Variants in SLC10A7 observed in about 807,000 individuals in gnomAD.
The protein encoded by SLC10A7 is sodium/bile acid cotransporter 7.
In SLC10A7, 29 loss-of-function variants were observed where a neutral mutation model predicts 43.2. That is an observed-to-expected ratio of 0.67 (90% CI 0.50 to 0.92). SLC10A7 has a LOEUF of 0.92. Ranked by LOEUF, SLC10A7 falls within the 40% of genes least tolerant of loss-of-function variation. SLC10A7 has a pLI of 0.00. For missense variants in SLC10A7, 295 were observed against 403.2 expected, an observed-to-expected ratio of 0.73 and a Z score of 2.30; for synonymous variants, 152 against 144.8, an observed-to-expected ratio of 1.05 and a Z score of -0.35.
At chr4:146,463,364 C>T (rs1056381368) in intron 4 of SLC10A7, among the ~76,000 whole-genome samples, 1 of 152,114 alleles carries the variant, frequency 6.6e-6, no homozygotes, top group African/African-American at 2.4e-5. Context: ...ACTTCACACG[C>T]TTTATAATAT....
At chr4:146,412,012 G>A (rs1728229333) in intron 5 of SLC10A7, among the ~76,000 whole-genome samples, 1 of 152,158 alleles carries the variant, frequency 6.6e-6, no homozygotes, top group South Asian at 2.1e-4. Flanking sequence ...AACACTGCAT[G>A]CAGACCAGTG....
chr4:146,494,012 T>C (rs901508333), intron 4 of SLC10A7, among the ~76,000 whole-genome samples: 3 of 152,230 alleles, frequency 2.0e-5, no homozygotes, highest in South Asian at 2.1e-4. Flanking sequence ...GATCAAGTTC[T>C]TGAGACAGCA....
intron 5 of SLC10A7, among the ~76,000 whole-genome samples, chr4:146,414,250 A>T (rs1015152151): frequency 6.6e-6 from 1 of 152,202 alleles, no homozygotes; most frequent in Non-Finnish European, 1.5e-5. Flanking sequence ...TAGATAAATA[A>T]GCGTTAAATA....
chr4:146,264,638 T>G (rs74582204), intron 10 of SLC10A7, among the ~76,000 whole-genome samples: 9,664 of 152,162 alleles, frequency 0.064, 422 homozygotes, highest in South Asian at 0.21. Flanking sequence ...TACAATTAGA[T>G]GGGTGAGTGC....
At chr4:146,467,278 T>C (rs1438388296) in intron 4 of SLC10A7, among the ~76,000 whole-genome samples, 1 of 152,158 alleles carries the variant, frequency 6.6e-6, no homozygotes, top group Non-Finnish European at 1.5e-5. Context: ...AGTTCTGCCT[T>C]TCACTCCCTT....
chr4:146,264,868 A>C (rs1333528926), intron 10 of SLC10A7, among the ~76,000 whole-genome samples: 4 of 152,104 alleles, frequency 2.6e-5, no homozygotes, highest in Non-Finnish European at 5.9e-5. Context: ...TTCCTAATTC[A>C]GCTCCTCATA....
chr4:146,506,570 T>A (rs1441515898), intron 3 of SLC10A7, among the ~76,000 whole-genome samples: 1 of 152,182 alleles, frequency 6.6e-6, no homozygotes, highest in Admixed American at 6.5e-5. Context: ...CTAGTAATAG[T>A]AACCTTAAAG....
At chr4:146,333,256 C>T (rs962346744) in intron 5 of SLC10A7, among the ~76,000 whole-genome samples, 2 of 152,018 alleles carry the variant, frequency 1.3e-5, no homozygotes, top group African/African-American at 4.8e-5. Context: ...TTAGATTTGG[C>T]CTATTATCTT....
chr4:146,495,766 A>AACACAC (rs57202992), intron 4 of SLC10A7, among the ~76,000 whole-genome samples: 18,797 of 139,378 alleles, frequency 0.13, 1,308 homozygotes, highest in East Asian at 0.25. Context: ...GATGAAAGTA[A>AACACAC]ACACACACAC....
chr4:146,447,923 TAA>T (rs1165081631), intron 4 of SLC10A7, among the ~76,000 whole-genome samples: 3 of 142,212 alleles, frequency 2.1e-5, no homozygotes, highest in African/African-American at 7.7e-5. Flanking sequence ...GTAAATTTCT[TAA>T]AAAAAAAAAA....
rs552565247 is a variant in SLC10A7, at chr4:146,267,457, G to T, written c.848-8620C>A. Among the ~76,000 whole-genome samples the T allele has an allele frequency of 5.9e-5, 9 of 152,312 alleles. No individual in the cohort carries two copies. The East Asian group carries it at 1.2e-3, about 20-fold the overall frequency. ...CAGAGTCCCCCAGGAAGGGGTAAAA[G>T]ATCACAGATCACGTGACCTGCTCTC... On this transcript the variant is annotated intron_variant, in intron 10 of 11. Coordinates refer to ENST00000335472, the MANE Select transcript of SLC10A7 (RefSeq NM_001029998.6).
chr4:146,521,827 T>G lies in SLC10A7; in HGVS notation c.-110A>C, dbSNP rs764390721. 4.9e-4 allele frequency: 423 copies of G among 870,608 alleles called. No homozygotes were observed. The highest frequency in any genetic ancestry group is 6.8e-4 in the Non-Finnish European group (369 of 543,516). 53.9% of individuals were successfully genotyped at this position (870,608 alleles called of 1,614,324 possible). On this transcript the variant is annotated 5_prime_UTR_variant, in exon 1 of 12. An upstream start codon of the reference 5' UTR is lost. Coordinates refer to ENST00000335472, the MANE Select transcript of SLC10A7 (RefSeq NM_001029998.6). ...ACACTTTCCTTGGTCCCTCCAGACA[T>G]GCAGCAGAGCAAGTCAAATTGCCGA...
intron 4 of SLC10A7, among the ~76,000 whole-genome samples, chr4:146,451,282 G>A (rs1347453152): frequency 7.0e-6 from 1 of 143,442 alleles, no homozygotes; most frequent in East Asian, 2.0e-4. Context: ...TGGCTTCACT[G>A]CTGAATTCTA....
chr4:146,442,081 CA>C (rs956435106), intron 5 of SLC10A7: 9 of 977,800 alleles, frequency 9.2e-6, no homozygotes, highest in African/African-American at 1.8e-5. Flanking sequence ...TTTTAAGGCA[CA>C]AAAAAATTAA....
intron 5 of SLC10A7, chr4:146,441,550 G>GT: frequency 1.7e-6 from 1 of 579,718 alleles, no homozygotes; most frequent in Non-Finnish European, 2.2e-6. Context: ...GAAAGTTCAT[G>GT]TTTTACAGAT....
chr4:146,443,542 G>A (rs576678337), intron 4 of SLC10A7, among the ~76,000 whole-genome samples: 1 of 151,674 alleles, frequency 6.6e-6, no homozygotes, highest in South Asian at 2.1e-4. Context: ...TACCCAAAAA[G>A]GAAAAAACTT....
At chr4:146,262,226 C>A (rs1039006679) in intron 10 of SLC10A7, among the ~76,000 whole-genome samples, 1 of 152,186 alleles carries the variant, frequency 6.6e-6, no homozygotes, top group African/African-American at 2.4e-5. Flanking sequence ...TCTCCAAGGT[C>A]AGAATAGAAA....
At chr4:146,305,627 T>C (rs1230084419) in intron 7 of SLC10A7, among the ~76,000 whole-genome samples, 1 of 150,890 alleles carries the variant, frequency 6.6e-6, no homozygotes, top group Admixed American at 6.6e-5. Context: ...GTTTTCAAGG[T>C]AGCTACACAG....
chr4:146,312,930 C>T (rs556325342), intron 6 of SLC10A7, among the ~76,000 whole-genome samples: 6 of 152,194 alleles, frequency 3.9e-5, no homozygotes, highest in African/African-American at 1.4e-4. Flanking sequence ...GCTTCCAGGC[C>T]ATGAAGGGCT....
Sources: gnomAD v4.1 joint callset for allele counts (sites outside exome capture counted in the v4.1 genomes callset) on GRCh38, gnomAD v4.1.1 for gene constraint, MANE v1.5 for transcripts, NCBI Gene and HGNC (gene_info 2026-07-23, HGNC 2026-07-21) for gene names.